The following PPP1R14C variants were observed in gnomAD, a reference collection of about 807,000 sequenced individuals.
PPP1R14C encodes the protein protein phosphatase 1 regulatory subunit 14C.
PPP1R14C carries 16 observed loss-of-function variants against 20.4 expected under a neutral mutation model. The ratio of observed to expected loss-of-function variants is 0.78; its 90% CI spans 0.53 to 1.19. The LOEUF (loss-of-function observed/expected upper bound fraction) is 1.19, where lower values mean the gene tolerates loss of function less well. Ranked by LOEUF, PPP1R14C falls within the 50% of genes most tolerant of loss-of-function variation. PPP1R14C has a pLI of 0.00. For missense variants in PPP1R14C, 211 were observed against 220.1 expected (o/e 0.96, Z 0.26); for synonymous variants, 91 against 91.0 (o/e 1.00, Z 0.00).
chr6:150,194,454 G>T, intron 1 of PPP1R14C: 1 of 983,218 alleles, frequency 1.0e-6, no homozygotes, highest in African/African-American at 1.7e-5. Context: ...ATTTTAAGTG[G>T]CATGTGTAAT....
At chr6:150,161,081 A>G (rs1386821331) in intron 1 of PPP1R14C, among the ~76,000 whole-genome samples, 1 of 152,126 alleles carries the variant, frequency 6.6e-6, no homozygotes, top group Admixed American at 6.6e-5. Context: ...GGAGTTCGAG[A>G]TCAGCCTGGC....
rs1282863611 is a variant in PPP1R14C at position 150,143,987 on chromosome 6, G to GA, written c.306+490dup. Among the ~76,000 whole-genome samples, 1 of 152,222 alleles carries GA rather than the reference G, an allele frequency of 6.6e-6. No homozygotes were observed. Among genetic ancestry groups the GA allele is most frequent in the Non-Finnish European group, 1.5e-5 (1 of 68,034 alleles). ...CCTCGTGGAAAGGAGAGGTTCTGGG[G>GA]ATCTCAGAGGCCCCCTTGGTTCTTG... On this transcript the variant is annotated intron_variant, in intron 1 of 3. Transcript: ENST00000361131. The surrounding 1 kb of genome is among the most constrained non-coding windows in gnomAD (Gnocchi z 5.6).
intron 1 of PPP1R14C, among the ~76,000 whole-genome samples, chr6:150,167,988 C>CTT (rs1777447394): frequency 2.0e-5 from 1 of 49,580 alleles, no homozygotes; most frequent in African/African-American, 8.5e-5. Context: ...CTCTCCTCCC[C>CTT]TCTTCCTCTC....
chr6:150,194,490 C>G, intron 1 of PPP1R14C: 1 of 979,368 alleles, frequency 1.0e-6, no homozygotes, highest in Non-Finnish European at 1.2e-6. Flanking sequence ...AAATAATGTT[C>G]TACTACAATT....
intron 1 of PPP1R14C, among the ~76,000 whole-genome samples, chr6:150,202,194 C>T (rs1777886562): frequency 6.6e-6 from 1 of 152,156 alleles, no homozygotes; most frequent in African/African-American, 2.4e-5. Context: ...AGTTTCTCAT[C>T]CTCATGCAGA....
intron 3 of PPP1R14C, among the ~76,000 whole-genome samples, chr6:150,217,482 A>G (rs997608328): frequency 1.3e-5 from 2 of 152,148 alleles, no homozygotes; most frequent in African/African-American, 4.8e-5. Context: ...GGTGTGAGCC[A>G]CCGCACCCGG....
At chr6:150,184,656 G>A (rs1232836052) in intron 1 of PPP1R14C, among the ~76,000 whole-genome samples, 1 of 151,942 alleles carries the variant, frequency 6.6e-6, no homozygotes, top group Non-Finnish European at 1.5e-5. Flanking sequence ...ATGCGGACAA[G>A]TGGCCTCTCT....
At chr6:150,247,729 C>T (rs978583186) in intron 3 of PPP1R14C, among the ~76,000 whole-genome samples, 49 of 152,258 alleles carry the variant, frequency 3.2e-4, no homozygotes, top group African/African-American at 1.1e-3. Flanking sequence ...TTAGTGTGAT[C>T]TACACCAGTG....
At chr6:150,153,749 G>A (rs182975214) in intron 1 of PPP1R14C, among the ~76,000 whole-genome samples, 175 of 152,282 alleles carry the variant, frequency 1.1e-3, no homozygotes, top group Non-Finnish European at 7.4e-5. Flanking sequence ...GAACGTGGGT[G>A]GGTCTCTAAA....
chr6:150,239,628 C>T (rs188569781), intron 3 of PPP1R14C, among the ~76,000 whole-genome samples: 2 of 152,230 alleles, frequency 1.3e-5, no homozygotes, highest in East Asian at 3.9e-4. Context: ...ATGTCTGCAT[C>T]AGGAAAGGTC....
intron 3 of PPP1R14C, among the ~76,000 whole-genome samples, chr6:150,221,217 A>G (rs1317269804): frequency 1.3e-5 from 2 of 152,230 alleles, no homozygotes; most frequent in African/African-American, 4.8e-5. Flanking sequence ...TTGCACTAAC[A>G]TACATTACTT....
At chr6:150,187,765 C>CT (rs1278373364) in intron 1 of PPP1R14C, among the ~76,000 whole-genome samples, 1 of 152,182 alleles carries the variant, frequency 6.6e-6, no homozygotes, top group East Asian at 1.9e-4. Flanking sequence ...TACATGTGCA[C>CT]TGTCTTTATG....
At chr6:150,152,634 C>T (rs907510807) in intron 1 of PPP1R14C, among the ~76,000 whole-genome samples, 3 of 152,118 alleles carry the variant, frequency 2.0e-5, no homozygotes, top group African/African-American at 7.2e-5. Flanking sequence ...TGTTCTTAGC[C>T]TGGTACTTGG....
chr6:150,188,482 C>A (rs886220541), intron 1 of PPP1R14C, among the ~76,000 whole-genome samples: 1 of 104,982 alleles, frequency 9.5e-6, no homozygotes, highest in Non-Finnish European at 1.8e-5. Context: ...CAGGAATTAC[C>A]TTTTTTTTTT....
intron 3 of PPP1R14C, among the ~76,000 whole-genome samples, chr6:150,235,419 T>TGGTGGTTTCCTG (rs1778349006): frequency 6.6e-6 from 1 of 152,234 alleles, no homozygotes; most frequent in South Asian, 2.1e-4. Flanking sequence ...TTGATAGTCA[T>TGGTGGTTTCCTG]GGTGGTTTCC....
At chr6:150,164,384 T>G (rs1035541575) in intron 1 of PPP1R14C, among the ~76,000 whole-genome samples, 2 of 152,216 alleles carry the variant, frequency 1.3e-5, no homozygotes, top group African/African-American at 4.8e-5. Context: ...AATCTTAATA[T>G]TTTCCAATTT....
intron 1 of PPP1R14C, among the ~76,000 whole-genome samples, chr6:150,189,325 C>T (rs191199136): frequency 6.6e-6 from 1 of 152,288 alleles, no homozygotes; most frequent in Admixed American, 6.5e-5. Context: ...ATAGCACTCT[C>T]CACCCCTCAC....
intron 1 of PPP1R14C, among the ~76,000 whole-genome samples, chr6:150,176,619 G>T (rs935789350): frequency 1.3e-5 from 2 of 152,210 alleles, no homozygotes; most frequent in African/African-American, 4.8e-5. Context: ...TGGTGGATTT[G>T]TGGATTGGCG....
At chr6:150,213,068 G>T (rs1324663055) in intron 1 of PPP1R14C, among the ~76,000 whole-genome samples, 2 of 151,534 alleles carry the variant, frequency 1.3e-5, no homozygotes, top group African/African-American at 4.8e-5. Flanking sequence ...TTATGTCGAG[G>T]AGTACAAAAT....
Sources: gnomAD v4.1 joint callset for allele counts (sites outside exome capture counted in the v4.1 genomes callset) on GRCh38, gnomAD v4.1.1 for gene constraint, Gnocchi (gnomAD v3.1) non-coding constraint, MANE v1.5 for transcripts, NCBI Gene and HGNC (gene_info 2026-07-23, HGNC 2026-07-21) for gene names.